The following RABGAP1L variants were observed in gnomAD, a reference collection of about 807,000 sequenced individuals.
The protein encoded by RABGAP1L is rab GTPase-activating protein 1-like.
Under a neutral mutation model 137.7 loss-of-function variants are expected in RABGAP1L, and 63 were observed. The observed-to-expected ratio is 0.46, with a 90% confidence interval of 0.37 to 0.56. The LOEUF is 0.56. RABGAP1L is among the 20% of genes least tolerant of loss of function. The pLI, the probability that RABGAP1L is intolerant of heterozygous loss-of-function variation, is 0.00. For missense variants in RABGAP1L, 1,095 were observed against 1,244.0 expected, an observed-to-expected ratio of 0.88 and a Z score of 1.80; for synonymous variants, 431 against 433.7, an observed-to-expected ratio of 0.99 and a Z score of 0.08.
chr1:174,321,795 T>C (rs1309044364), intron 11 of RABGAP1L, among the ~76,000 whole-genome samples: 3 of 152,070 alleles, frequency 2.0e-5, no homozygotes, highest in African/African-American at 7.2e-5. Context: ...GCTATTCTAG[T>C]GTGTGTGTGT....
At chr1:174,239,653 T>C (rs1325837669) in intron 4 of RABGAP1L, among the ~76,000 whole-genome samples, 1 of 152,188 alleles carries the variant, frequency 6.6e-6, no homozygotes, top group African/African-American at 2.4e-5. Flanking sequence ...CACTAGATTA[T>C]AAGCTTGTGA....
At chr1:174,499,166 G>C (rs2149371625) in intron 13 of RABGAP1L, among the ~76,000 whole-genome samples, 1 of 152,054 alleles carries the variant, frequency 6.6e-6, no homozygotes, top group African/African-American at 2.4e-5. Context: ...GATATGGGGA[G>C]TGGCTTACAG....
In RABGAP1L at chr1:174,683,582, G is replaced by A. The variant is rs773048331; in HGVS notation, c.1885G>A (p.Val629Ile). 2 of 1,606,014 alleles carry A rather than the reference G, an allele frequency of 1.2e-6. No individual in the cohort carries two copies. The highest frequency in any genetic ancestry group is 1.7e-5 in the Admixed American group (1 of 59,984). The change falls in exon 15 of 26, where the codon GTA (valine) becomes ATA (isoleucine). Residue 629 changes from valine (V) to isoleucine (I), a missense_variant. Val to Ile is a conservative substitution (Grantham distance 29). Around this residue, in one of 4 missense-constraint regions of RABGAP1L, gnomAD observed 315 missense variants for 324.8 expected, o/e 0.97. Transcript: ENST00000681986. ...YCQGQSFLAAVLLLHMPEEQA... is the reference protein window; with the variant it reads ...YCQGQSFLAAILLLHMPEEQA... Reference sequence around the variant, plus strand: ...TCAAGGGCAGTCTTTTCTTGCTGCTGTATTACTGCTGCATGTAAGTAATGG... The same window carrying A: ...TCAAGGGCAGTCTTTTCTTGCTGCTATATTACTGCTGCATGTAAGTAATGG...
chr1:174,552,593 T>A (rs1025591997), intron 13 of RABGAP1L, among the ~76,000 whole-genome samples: 26 of 152,166 alleles, frequency 1.7e-4, no homozygotes, highest in Non-Finnish European at 3.4e-4. Context: ...CTATACACCA[T>A]GAAATACCAA....
intron 19 of RABGAP1L, among the ~76,000 whole-genome samples, chr1:174,853,335 T>C (rs917136709): frequency 2.0e-5 from 3 of 152,074 alleles, no homozygotes; most frequent in African/African-American, 7.2e-5. Context: ...ACAGATATTA[T>C]TTTAAAAGAA....
At chr1:174,614,483 C>G (rs539823231) in intron 13 of RABGAP1L, among the ~76,000 whole-genome samples, 2 of 152,164 alleles carry the variant, frequency 1.3e-5, no homozygotes, top group Non-Finnish European at 2.9e-5. Context: ...GTGGGTAACC[C>G]AACCTTCCTC....
At chr1:174,457,135 A>G (rs1340601304) in intron 13 of RABGAP1L, among the ~76,000 whole-genome samples, 1 of 152,200 alleles carries the variant, frequency 6.6e-6, no homozygotes, top group Non-Finnish European at 1.5e-5. Context: ...TAGAGGGATT[A>G]ACGCATTTTA....
intron 3 of RABGAP1L, 107 bp from the exon 4 acceptor site, chr1:174,231,038 C>T (rs1225889270): frequency 1.3e-6 from 1 of 749,684 alleles, no homozygotes. Flanking sequence ...TACAGAGAGA[C>T]CTAGATTTTG....
chr1:174,852,922 T>G (rs953767792), intron 19 of RABGAP1L, among the ~76,000 whole-genome samples: 1 of 152,128 alleles, frequency 6.6e-6, no homozygotes, highest in African/African-American at 2.4e-5. Flanking sequence ...TGTTTCTATA[T>G]TGTTAGGATA....
At chr1:174,291,297 A>G (rs1676583334) in intron 10 of RABGAP1L, among the ~76,000 whole-genome samples, 1 of 151,872 alleles carries the variant, frequency 6.6e-6, no homozygotes, top group South Asian at 2.1e-4. Flanking sequence ...CCAACCTTGC[A>G]TTCCTTAGGA....
chr1:174,609,822 T>G (rs1572493898), intron 13 of RABGAP1L, among the ~76,000 whole-genome samples: 1 of 152,104 alleles, frequency 6.6e-6, no homozygotes, highest in African/African-American at 2.4e-5. Context: ...TATCTTTATC[T>G]TTTGTACTTC....
intron 13 of RABGAP1L, among the ~76,000 whole-genome samples, chr1:174,546,068 C>A (rs1665983951): frequency 6.6e-6 from 1 of 151,958 alleles, no homozygotes; most frequent in Non-Finnish European, 1.5e-5. Flanking sequence ...GAAAATAAGG[C>A]TTTTTTAGAT....
At chr1:174,285,451 G>A (rs562637608) in intron 10 of RABGAP1L, among the ~76,000 whole-genome samples, 10 of 150,156 alleles carry the variant, frequency 6.7e-5, no homozygotes, top group South Asian at 2.1e-4. Context: ...TGTCGATTTC[G>A]TATAGAAATA....
At chr1:174,243,796 C>A (rs942386798) in intron 5 of RABGAP1L, among the ~76,000 whole-genome samples, 1 of 152,068 alleles carries the variant, frequency 6.6e-6, no homozygotes, top group Non-Finnish European at 1.5e-5. Flanking sequence ...TGTTTGGTTA[C>A]CCTTTGTTTA....
chr1:174,352,521 C>T (rs1384613088), intron 11 of RABGAP1L, among the ~76,000 whole-genome samples: 1 of 152,082 alleles, frequency 6.6e-6, no homozygotes, highest in Non-Finnish European at 1.5e-5. Context: ...GCAGCTATTT[C>T]GAATTCTCTA....
At chr1:174,274,971 A>G (rs1674859173) in intron 8 of RABGAP1L, 1 of 152,150 alleles carries the variant, frequency 6.6e-6, no homozygotes, top group Admixed American at 6.5e-5. Flanking sequence ...AATATTGTAG[A>G]TACTGTTCAT....
chr1:174,517,414 T>G (rs1402900850), intron 13 of RABGAP1L, among the ~76,000 whole-genome samples: 1 of 152,146 alleles, frequency 6.6e-6, no homozygotes, highest in Non-Finnish European at 1.5e-5. Context: ...CTAGAGATTC[T>G]CTCCTGGAAA....
chr1:174,637,653 C>G (rs904139912), intron 14 of RABGAP1L, among the ~76,000 whole-genome samples, 165 bp downstream of exon 14: 2 of 152,192 alleles, frequency 1.3e-5, no homozygotes, highest in Admixed American at 1.3e-4. Context: ...CAGAAGGTGA[C>G]TTTTCGGTTG....
chr1:174,837,541 G>A (rs1692896221), intron 19 of RABGAP1L, among the ~76,000 whole-genome samples: 1 of 152,156 alleles, frequency 6.6e-6, no homozygotes, highest in Non-Finnish European at 1.5e-5. Context: ...GAGCTTTAAA[G>A]GAATACATTC....
Sources: gnomAD v4.1 joint callset for allele counts (sites outside exome capture counted in the v4.1 genomes callset) on GRCh38, gnomAD v4.1.1 for gene constraint, gnomAD v4.1.1 regional missense constraint, MANE v1.5 for transcripts, NCBI Gene and HGNC (gene_info 2026-07-23, HGNC 2026-07-21) for gene names.